Variants in GBP4 observed in about 807,000 individuals in gnomAD.
The protein encoded by GBP4 is guanylate-binding protein 4.
In GBP4, 69 loss-of-function variants were observed where a neutral mutation model predicts 62.2. That is an observed-to-expected ratio of 1.11 (90% CI 0.91 to 1.36). GBP4 has a LOEUF of 1.36. Among genes scored for constraint, GBP4 ranks in the 40% most tolerant of loss-of-function variants. GBP4 has a pLI of 0.00. For synonymous variants in GBP4, 278 were observed against 274.6 expected (o/e 1.01, Z -0.12); for missense variants, 697 against 759.3 (o/e 0.92, Z 0.96).
chr1:89,184,073 T>C lies in GBP4; in HGVS notation c.*1181A>G, dbSNP rs1424309766. Reference sequence around the variant, plus strand: ...AGTGGGCAAAGAACATGAACACATTTCAAAAGAAGACATATATGCATTTAA... The same window carrying C: ...AGTGGGCAAAGAACATGAACACATTCCAAAAGAAGACATATATGCATTTAA... On this transcript the variant is annotated 3_prime_UTR_variant, in exon 11 of 11. Coordinates refer to ENST00000355754, the MANE Select transcript of GBP4 (RefSeq NM_052941.5). 2.0e-5 allele frequency: 3 copies of C among 152,146 alleles called. No individual in the cohort carries two copies. The East Asian group carries it at 5.8e-4, about 29-fold the overall frequency. 9.4% of individuals were successfully genotyped at this position (152,146 alleles called of 1,614,324 possible). A position where few individuals can be genotyped will look rare whatever the true frequency, so the allele number is the denominator to read the frequency against.
At chr1:89,196,579 T>C (rs1648346554) in intron 2 of GBP4, among the ~76,000 whole-genome samples, 1 of 152,228 alleles carries the variant, frequency 6.6e-6, no homozygotes, top group South Asian at 2.1e-4. Context: ...AAAGGTATGT[T>C]GTACATACTC....
At chr1:89,189,020 T>G (rs1358032335) in intron 7 of GBP4, among the ~76,000 whole-genome samples, 2 of 152,238 alleles carry the variant, frequency 1.3e-5, no homozygotes, top group Non-Finnish European at 2.9e-5. Flanking sequence ...ATTTATGTGG[T>G]TAGAAGACAT....
rs1005417453 is a variant in GBP4 at position 89,182,024 on chromosome 1, C to T, written c.*3230G>A. ...GAGATGTCACAAACAAATGGAAAAA[C>T]ATTCCATGCTCATGAATAGGAGCAC... On this transcript the variant is annotated 3_prime_UTR_variant, in exon 11 of 11. Coordinates refer to ENST00000355754, the MANE Select transcript of GBP4 (RefSeq NM_052941.5). 6.6e-6 allele frequency: 1 copy of T among 152,104 alleles called. No individual in the cohort carries two copies. The highest frequency in any genetic ancestry group is 1.9e-4 in the East Asian group (1 of 5,202). The allele number at this position is 152,104 out of a possible 1,614,324, so 9.4% of individuals were successfully genotyped here. A position where few individuals can be genotyped will look rare whatever the true frequency, so the allele number is the denominator to read the frequency against.
intron 9 of GBP4, 119 bp downstream of exon 9, chr1:89,186,881 T>C (rs1648051272): frequency 1.2e-6 from 1 of 859,338 alleles, no homozygotes; most frequent in Non-Finnish European, 1.9e-6. Flanking sequence ...ATTAATATTT[T>C]AACTCAATGT....
rs1280233545 is a variant in GBP4 at position 89,181,468 on chromosome 1, A to C, written c.*3786T>G. ...CTGGACGTATGTACATGCAGGTCAC[A>C]GGGGATATGATGGCTTAGCTTGGGC... On this transcript the variant is annotated 3_prime_UTR_variant, in exon 11 of 11. Transcript: ENST00000355754. The C allele has an allele frequency of 1.3e-5, 2 of 152,596 alleles. No individual in the cohort carries two copies. Among genetic ancestry groups the C allele is most frequent in the African/African-American group, 4.8e-5 (2 of 41,396 alleles). The allele number at this position is 152,596 out of a possible 1,614,324, so 9.5% of individuals were successfully genotyped here.
intron 8 of GBP4, 84 bp downstream of exon 8, chr1:89,188,498 G>T: frequency 1.8e-6 from 2 of 1,082,462 alleles, no homozygotes; most frequent in Non-Finnish European, 2.8e-6. Context: ...CACAAATGGT[G>T]CTATATTCTT....
At chr1:89,185,639 G>A (rs1648015874) in intron 10 of GBP4, among the ~76,000 whole-genome samples, 170 bp from the exon 11 acceptor site, 1 of 152,148 alleles carries the variant, frequency 6.6e-6, no homozygotes, top group Non-Finnish European at 1.5e-5. Flanking sequence ...CTGAATCATG[G>A]GAGTATACAT....
At position 89,183,859 on chromosome 1, in the gene GBP4, GT is replaced by G. The variant is rs1349852585; in HGVS notation, c.*1394del. The G allele has an allele frequency of 6.6e-6, 1 of 152,210 alleles. No individual in the cohort carries two copies. The highest frequency in any genetic ancestry group is 1.5e-5 in the Non-Finnish European group (1 of 68,052). The allele number at this position is 152,210 out of a possible 1,614,324, so 9.4% of individuals were successfully genotyped here. A position where few individuals can be genotyped will look rare whatever the true frequency, so the allele number is the denominator to read the frequency against. On this transcript the variant is annotated 3_prime_UTR_variant, in exon 11 of 11. Transcript: ENST00000355754. ...TGTGCTACTGCACTCCAGCCTGGGT[GT>G]CAAAGTGAGACCCTGTTTCAAAAAA... is the stretch of plus-strand genomic sequence containing the variant.
At chr1:89,186,601 A>G in intron 9 of GBP4, 75 bp from the exon 10 acceptor site, 1 of 1,338,362 alleles carries the variant, frequency 7.5e-7, no homozygotes, top group Admixed American at 2.3e-5. Context: ...GCTCAGATCA[A>G]ACTGACTCGG....
intron 3 of GBP4, among the ~76,000 whole-genome samples, chr1:89,194,982 G>C (rs1648291230): frequency 6.6e-6 from 1 of 152,044 alleles, no homozygotes; most frequent in Non-Finnish European, 1.5e-5. Flanking sequence ...CATATTTCTT[G>C]TCTTCACAAC....
chr1:89,198,712 G>C lies in GBP4; in HGVS notation c.40+83C>G, dbSNP rs115844448. ...CAGTGTGAAGTCTCCAACCCTCCCC[G>C]TGTGCAGTCTGCGCTTGGGAATTTG... On this transcript the variant is annotated intron_variant, in intron 1 of 10. Transcript: ENST00000355754. The C allele has an allele frequency of 3.5e-3, 4,177 of 1,183,428 alleles. 67 individuals carry two copies. In the African/African-American group the frequency reaches 0.04, roughly 11 times the overall value. The allele number at this position is 1,183,428 out of a possible 1,614,324, so 73.3% of individuals were successfully genotyped here.
chr1:89,192,940 C>A lies in GBP4; in HGVS notation c.634G>T (p.Asp212Tyr). The A allele has an allele frequency of 6.2e-7, 1 of 1,614,158 alleles. No individual in the cohort carries two copies. Among genetic ancestry groups the A allele is most frequent in the Non-Finnish European group, 8.5e-7 (1 of 1,179,986 alleles). The change falls in exon 5 of 11, where the codon GAT (aspartate) becomes TAT (tyrosine). Residue 212 changes from aspartate to tyrosine, a missense_variant. Transcript: ENST00000355754. Reference sequence around the variant, plus strand: ...TTCAAGGCATTCTCCAGGTACTCATCTTCTGTGATGGGGTTTCCATCTAAC... The same window carrying A: ...TTCAAGGCATTCTCCAGGTACTCATATTCTGTGATGGGGTTTCCATCTAAC... Reference protein sequence around the residue: ...LKLDGNPITEDEYLENALKLI... With the variant: ...LKLDGNPITEYEYLENALKLI...
chr1:89,190,230 C>G lies in GBP4; in HGVS notation c.1005G>C (p.Gln335His), dbSNP rs974081550. ...TCTGCACAGCCGCTGGGTTCTCAAG[C>G]TGGGCCAGTGCTGTCACTGCATTCT... ...CLENAVTALA[Q>H]LENPAAVQRA... Residue 335 changes from glutamine to histidine, a missense_variant, in exon 7 of 11, where the codon CAG becomes CAC. Transcript: ENST00000355754. 7 of 1,614,058 alleles carry G rather than the reference C, an allele frequency of 4.3e-6. No individual in the cohort carries two copies. Among genetic ancestry groups the G allele is most frequent in the Non-Finnish European group, 5.9e-6 (7 of 1,180,034 alleles).
At position 89,195,331 on chromosome 1, in the gene GBP4, A is replaced by G; in HGVS notation, c.329T>C (p.Leu110Pro). 6.2e-7 allele frequency: 1 copy of G among 1,614,076 alleles called. No individual in the cohort carries two copies. ...HLSKPNHTLV[L>P]LDTEGLGDVE... is the part of the protein sequence containing the mutation. Reference sequence around the variant, plus strand: ...ATCGCCCAGGCCCTCGGTGTCCAGAAGGACCAGGGTGTGGTTTGGCTTAGA... The same window carrying G: ...ATCGCCCAGGCCCTCGGTGTCCAGAGGGACCAGGGTGTGGTTTGGCTTAGA... The change falls in exon 3 of 11, where the codon CTT (leucine) becomes CCT (proline). Residue 110 changes from leucine to proline, a missense_variant. Coordinates refer to ENST00000355754, the MANE Select transcript of GBP4 (RefSeq NM_052941.5).
Position 89,184,678 on chromosome 1 carries a change from A to C in GBP4, c.*576T>G, listed in dbSNP as rs2100672477. On this transcript the variant is annotated 3_prime_UTR_variant, in exon 11 of 11. Coordinates refer to ENST00000355754, the MANE Select transcript of GBP4 (RefSeq NM_052941.5). Reference sequence around the variant, plus strand: ...ACACATGGATACTCAGAGGAGAACAAGAGACACTGGGGTCTACTTGAGGGT... The same window carrying C: ...ACACATGGATACTCAGAGGAGAACACGAGACACTGGGGTCTACTTGAGGGT... 1 of 152,422 alleles carries C rather than the reference A, an allele frequency of 6.6e-6. No homozygotes were observed. The highest frequency in any genetic ancestry group is 1.5e-5 in the Non-Finnish European group (1 of 68,130). 9.4% of individuals were successfully genotyped at this position (152,422 alleles called of 1,614,324 possible). A position where few individuals can be genotyped will look rare whatever the true frequency, so the allele number is the denominator to read the frequency against.
intron 4 of GBP4, 49 bp downstream of exon 4, chr1:89,193,254 C>T: frequency 6.3e-7 from 1 of 1,576,920 alleles, no homozygotes; most frequent in South Asian, 1.1e-5. Flanking sequence ...TATCAATTCC[C>T]ATTCCCCTAA....
At chr1:89,198,252 C>G (rs1648400631) in intron 1 of GBP4, among the ~76,000 whole-genome samples, 1 of 151,892 alleles carries the variant, frequency 6.6e-6, no homozygotes, top group Admixed American at 6.6e-5. Context: ...GCCACAGTAC[C>G]TTATCAGTTA....
Position 89,185,485 on chromosome 1 carries a change from A to T in GBP4, c.1708-16T>A, listed in dbSNP as rs1648012490. 1 of 1,352,156 alleles carries T rather than the reference A, an allele frequency of 7.4e-7. No individual in the cohort carries two copies. The allele number at this position is 1,352,156 out of a possible 1,614,324, so 83.8% of individuals were successfully genotyped here. On this transcript the variant is annotated splice_polypyrimidine_tract_variant and intron_variant, in intron 10 of 10. Transcript: ENST00000355754. ...CTTCTTGTACCTATAAAAGGGAAAT[A>T]GTCCACTTTTGAAAATCTCCAATTT...
In GBP4 at chr1:89,187,437, T is replaced by C. The variant is rs375677211; in HGVS notation, c.1411-335A>G. 5.3e-5 allele frequency among the ~76,000 whole-genome samples: 8 copies of C among 152,244 alleles called. No individual in the cohort carries two copies. In the South Asian group the frequency reaches 1.7e-3, roughly 32 times the overall value. On this transcript the variant is annotated intron_variant, in intron 8 of 10. Transcript: ENST00000355754. ...CAAATACACATTCTCAGTTTTTGAT[T>C]TGACATCAAAAGCACAGGCAACAAG... is the stretch of plus-strand genomic sequence containing the variant.
Sources: gnomAD v4.1 joint callset for allele counts (sites outside exome capture counted in the v4.1 genomes callset) on GRCh38, gnomAD v4.1.1 for gene constraint, MANE v1.5 for transcripts, NCBI Gene and HGNC (gene_info 2026-07-23, HGNC 2026-07-21) for gene names.